FBXL13: variants seen among roughly 807,000 people sequenced by gnomAD.
FBXL13 encodes F-box and leucine-rich repeat protein 13.
In FBXL13, 67 loss-of-function variants were observed where a neutral mutation model predicts 83.6. The ratio of observed to expected loss-of-function variants is 0.80; its 90% CI spans 0.66 to 0.98. FBXL13 has a LOEUF of 0.98. Among genes scored for constraint, FBXL13 ranks in the 50% least tolerant of loss-of-function variants. The pLI is 0.00. For synonymous variants in FBXL13, 272 were observed against 299.5 expected, an observed-to-expected ratio of 0.91 and a Z score of 0.95; for missense variants, 822 against 866.5, an observed-to-expected ratio of 0.95 and a Z score of 0.64.
intron 8 of FBXL13, among the ~76,000 whole-genome samples, chr7:102,959,258 TTC>T (rs897496925): frequency 2.0e-5 from 3 of 152,110 alleles, no homozygotes; most frequent in African/African-American, 7.2e-5. Flanking sequence ...TTTGCATAAT[TTC>T]TTTTTTTCAC....
chr7:102,969,473 T>C (rs1826351924), intron 6 of FBXL13, among the ~76,000 whole-genome samples: 1 of 150,254 alleles, frequency 6.7e-6, no homozygotes, highest in Non-Finnish European at 1.5e-5. Flanking sequence ...TGACTGTAAT[T>C]GAAACTGAGT....
intron 11 of FBXL13, among the ~76,000 whole-genome samples, chr7:102,892,303 GATTAT>G (rs1240466226): frequency 8.5e-5 from 13 of 152,246 alleles, no homozygotes; most frequent in Admixed American, 2.0e-4. Context: ...CCTACAAAGA[GATTAT>G]ATTAAGCTGT....
intron 1 of FBXL13, among the ~76,000 whole-genome samples, chr7:103,073,735 A>G (rs1023553356): frequency 6.6e-6 from 1 of 152,122 alleles, no homozygotes; most frequent in Non-Finnish European, 1.5e-5. Flanking sequence ...ATCTTAATAA[A>G]TATTTCTCAA....
chr7:102,891,430 G>A (rs1481960125), intron 11 of FBXL13, among the ~76,000 whole-genome samples: 1 of 152,148 alleles, frequency 6.6e-6, no homozygotes, highest in African/African-American at 2.4e-5. Flanking sequence ...ACAGTTACCT[G>A]CACACATGTC....
chr7:103,023,899 C>A (rs1207392672), intron 6 of FBXL13, among the ~76,000 whole-genome samples: 1 of 152,062 alleles, frequency 6.6e-6, no homozygotes, highest in Admixed American at 6.6e-5. Context: ...TACACATTCT[C>A]ACTTACAAGT....
intron 6 of FBXL13, among the ~76,000 whole-genome samples, chr7:102,977,582 C>G (rs1021462665): frequency 2.6e-5 from 4 of 152,176 alleles, no homozygotes; most frequent in African/African-American, 4.8e-5. Flanking sequence ...TTGGGCTCCT[C>G]CTTTTTCTCC....
intron 14 of FBXL13, among the ~76,000 whole-genome samples, chr7:102,882,994 G>C (rs1810311304): frequency 6.6e-6 from 1 of 151,914 alleles, no homozygotes; most frequent in South Asian, 2.1e-4. Context: ...TGTGGGAAAA[G>C]ATCATGTTAA....
chr7:103,071,378 G>A (rs1195485312), intron 1 of FBXL13, among the ~76,000 whole-genome samples: 1 of 151,914 alleles, frequency 6.6e-6, no homozygotes, highest in Non-Finnish European at 1.5e-5. Flanking sequence ...TGTTTAAAAT[G>A]TTTTTTAATT....
chr7:102,965,454 A>G lies in FBXL13; in HGVS notation c.592-1789T>C, dbSNP rs114676450. Among the ~76,000 whole-genome samples the G allele has an allele frequency of 5.2e-3, 799 of 152,340 alleles. 5 individuals are homozygous for G. The highest frequency in any genetic ancestry group is 0.018 in the African/African-American group (749 of 41,578). On this transcript the variant is annotated intron_variant, in intron 7 of 19. Transcript: ENST00000313221. Reference sequence around the variant, plus strand: ...AAGCATTCAATAAATATTAGCTACTATTATTACTTCAAAAATACATGACAA... The same window carrying G: ...AAGCATTCAATAAATATTAGCTACTGTTATTACTTCAAAAATACATGACAA...
chr7:103,054,998 C>T (rs1461172939), intron 2 of FBXL13, 90 bp downstream of exon 3: 2 of 784,098 alleles, frequency 2.6e-6, no homozygotes, highest in Non-Finnish European at 1.8e-6. Flanking sequence ...ACAGTCTGAC[C>T]TCACACCTCC....
intron 6 of FBXL13, among the ~76,000 whole-genome samples, chr7:102,998,634 G>C (rs1247500819): frequency 6.6e-6 from 1 of 151,966 alleles, no homozygotes; most frequent in Non-Finnish European, 1.5e-5. Context: ...TTGATTATCA[G>C]TTCTAACAGT....
Position 103,028,688 on chromosome 7 carries a change from TC to T in FBXL13, c.128del (p.Arg43LysfsTer3). ...GTCTGAAATTGTAGCATGTCACTGCTCTGTTCATTTTTTCAGCCAGGACGAC... is the reference window on the plus strand; with the variant it reads ...GTCTGAAATTGTAGCATGTCACTGCTTGTTCATTTTTTCAGCCAGGACGAC... On this transcript the variant is annotated frameshift_variant, in exon 4 of 20. Coordinates refer to ENST00000313221, the Ensembl canonical transcript of FBXL13. LOFTEE classifies it high-confidence loss of function. The T allele has an allele frequency of 6.2e-7, 1 of 1,603,028 alleles. No individual in the cohort carries two copies. Among genetic ancestry groups the T allele is most frequent in the Non-Finnish European group, 8.5e-7 (1 of 1,174,880 alleles).
intron 16 of FBXL13, among the ~76,000 whole-genome samples, chr7:102,861,982 C>CAAAAAAAAAA (rs59375342): frequency 8.3e-6 from 1 of 120,038 alleles, no homozygotes; most frequent in African/African-American, 3.0e-5. Flanking sequence ...ACTGTGTCTC[C>CAAAAAAAAAA]AAAAAAAAAA....
chr7:102,851,575 CTCTT>C (rs372934697), intron 17 of FBXL13, among the ~76,000 whole-genome samples: 60 of 147,412 alleles, frequency 4.1e-4, no homozygotes, highest in African/African-American at 1.4e-3. Flanking sequence ...CTCTCTCTTT[CTCTT>C]TCTTTCTCTC....
chr7:102,883,641 A>C (rs754316742), exon 13 of FBXL13: 1 of 1,612,068 alleles, frequency 6.2e-7, no homozygotes, highest in African/African-American at 1.3e-5. Flanking sequence ...GCGGTGCACC[A>C]GTGAAAACCA....
chr7:103,058,603 C>G (rs1183565771), intron 1 of FBXL13, among the ~76,000 whole-genome samples: 1 of 152,182 alleles, frequency 6.6e-6, no homozygotes, highest in Non-Finnish European at 1.5e-5. Flanking sequence ...ATCCTTTTCT[C>G]CATCTTATTC....
Position 103,062,785 on chromosome 7 carries a change from A to G in FBXL13, c.-104-7038T>C, listed in dbSNP as rs78661560. 2.0e-5 allele frequency among the ~76,000 whole-genome samples: 3 copies of G among 152,242 alleles called. No homozygotes were observed. In the East Asian group the frequency reaches 5.8e-4, roughly 29 times the overall value. On this transcript the variant is annotated intron_variant, in intron 1 of 19. Transcript: ENST00000313221. ...TCCCAAAAGGTATTATCAATGTATA[A>G]TCTCATCCCAAATGGATAAATGCTC... is the stretch of plus-strand genomic sequence containing the variant.
At chr7:102,968,211 G>A (rs558929536) in intron 6 of FBXL13, 94 bp from the exon 8 acceptor site, 36 of 733,038 alleles carry the variant, frequency 4.9e-5, no homozygotes, top group Non-Finnish European at 6.1e-5. Flanking sequence ...ACACATGTGC[G>A]TGCACACACA....
At chr7:102,973,567 T>C (rs759163381) in intron 6 of FBXL13, 10 of 765,242 alleles carry the variant, frequency 1.3e-5, no homozygotes, top group Non-Finnish European at 2.4e-5. Flanking sequence ...CTGCCTCGTG[T>C]TGTCTGTTGG....
Sources: allele counts gnomAD v4.1 joint callset (sites outside exome capture counted in the v4.1 genomes callset), GRCh38; gene constraint gnomAD v4.1.1; transcripts MANE v1.5; gene names NCBI Gene and HGNC (gene_info 2026-07-23, HGNC 2026-07-21).